Variants in SLC1A3 observed in about 807,000 individuals in gnomAD.
The protein encoded by SLC1A3 is solute carrier family 1 member 3, also known as excitatory amino acid transporter 1.
A neutral mutation model predicts 48.1 loss-of-function variants in SLC1A3; 21 were observed. That is an observed-to-expected ratio of 0.44 (90% CI 0.31 to 0.63). SLC1A3 has a LOEUF of 0.63. Among genes scored for constraint, SLC1A3 ranks in the 20% least tolerant of loss-of-function variants. The pLI is 0.08. For synonymous variants in SLC1A3, 239 were observed against 251.4 expected (o/e 0.95, Z 0.47); for missense variants, 546 against 689.0 (o/e 0.79, Z 2.32).
At chr5:36,621,128 A>G (rs1224064046) in intron 2 of SLC1A3, among the ~76,000 whole-genome samples, 1 of 151,922 alleles carries the variant, frequency 6.6e-6, no homozygotes, top group Non-Finnish European at 1.5e-5. Flanking sequence ...CAGGTCTCCA[A>G]CTCCTGACCT....
intron 3 of SLC1A3, chr5:36,636,063 G>GTT (rs1409718494): frequency 6.6e-6 from 1 of 152,286 alleles, no homozygotes; most frequent in East Asian, 1.9e-4. Context: ...GTGTGTGTGT[G>GTT]TGTGTGTGTG....
At chr5:36,621,609 G>A (rs1739674499) in intron 2 of SLC1A3, among the ~76,000 whole-genome samples, 1 of 152,120 alleles carries the variant, frequency 6.6e-6, no homozygotes, top group Non-Finnish European at 1.5e-5. Context: ...TTTTAATCTT[G>A]GAGCCTTCTT....
intron 3 of SLC1A3, among the ~76,000 whole-genome samples, chr5:36,633,972 C>A (rs879168106): frequency 6.6e-6 from 1 of 152,170 alleles, no homozygotes; most frequent in African/African-American, 2.4e-5. Context: ...CCGACTCCCC[C>A]GCTCTTGTAG....
At chr5:36,602,145 G>A (rs1171700241), upstream of SLC1A3, among the ~76,000 whole-genome samples, 1 of 152,108 alleles carries the variant, frequency 6.6e-6, no homozygotes, top group South Asian at 2.1e-4. Context: ...AGAAATAACA[G>A]ATTGTAGGCC....
chr5:36,684,415 C>T (rs1035951168), intron 9 of SLC1A3, among the ~76,000 whole-genome samples: 3 of 152,208 alleles, frequency 2.0e-5, no homozygotes, highest in Admixed American at 1.3e-4. Context: ...GAATGATTTT[C>T]CCATCCTAGC....
At chr5:36,604,699 A>G (rs1039912345), upstream of SLC1A3, among the ~76,000 whole-genome samples, 5 of 152,186 alleles carry the variant, frequency 3.3e-5, no homozygotes, top group Non-Finnish European at 7.3e-5. Flanking sequence ...AGAGGAAAAA[A>G]AAAGTGAAAA....
At chr5:36,636,483 C>CT (rs1561255183) in intron 3 of SLC1A3, 1 of 143,628 alleles carries the variant, frequency 7.0e-6, no homozygotes, top group Non-Finnish European at 1.5e-5. Context: ...TTCTTTCTTT[C>CT]TTTCTTTCTT....
intron 3 of SLC1A3, among the ~76,000 whole-genome samples, chr5:36,658,295 T>C (rs1027792409): frequency 6.6e-6 from 1 of 152,078 alleles, no homozygotes; most frequent in African/African-American, 2.4e-5. Flanking sequence ...TAGGGAATGC[T>C]GAGAAGTCTG....
At chr5:36,663,879 A>G (rs1741622260) in intron 3 of SLC1A3, among the ~76,000 whole-genome samples, 1 of 152,244 alleles carries the variant, frequency 6.6e-6, no homozygotes, top group South Asian at 2.1e-4. Context: ...ACCAAGAATC[A>G]CTGATAAAAG....
chr5:36,622,197 C>T (rs959623890), intron 2 of SLC1A3, among the ~76,000 whole-genome samples: 2 of 152,190 alleles, frequency 1.3e-5, no homozygotes, highest in Non-Finnish European at 2.9e-5. Flanking sequence ...CTGGCTGGCT[C>T]ATCTTGGTCA....
intron 6 of SLC1A3, among the ~76,000 whole-genome samples, chr5:36,679,300 A>G (rs1742335872): frequency 6.6e-6 from 1 of 152,212 alleles, no homozygotes; most frequent in Non-Finnish European, 1.5e-5. Flanking sequence ...AGGGCTGGCT[A>G]GGAAGACAGA....
intron 3 of SLC1A3, among the ~76,000 whole-genome samples, chr5:36,644,221 T>A (rs1177269025): frequency 6.6e-6 from 1 of 151,068 alleles, no homozygotes; most frequent in African/African-American, 2.4e-5. Context: ...TTTGTTTGTC[T>A]TAGGTGTGAG....
chr5:36,659,492 A>T (rs1324365439), intron 3 of SLC1A3, among the ~76,000 whole-genome samples: 1 of 152,244 alleles, frequency 6.6e-6, no homozygotes, highest in Non-Finnish European at 1.5e-5. Flanking sequence ...ATGTTAATTT[A>T]TTGAATTCTC....
upstream of SLC1A3, among the ~76,000 whole-genome samples, chr5:36,602,896 A>G (rs1286072775): frequency 1.3e-5 from 2 of 152,224 alleles, no homozygotes; most frequent in African/African-American, 4.8e-5. Flanking sequence ...TGGAGAGTGC[A>G]CACTCCACCT....
chr5:36,603,997 C>T (rs1056403481), upstream of SLC1A3, among the ~76,000 whole-genome samples: 2 of 152,200 alleles, frequency 1.3e-5, no homozygotes, highest in Admixed American at 1.3e-4. Context: ...AAGATCAGCA[C>T]GTGCTTATTA....
chr5:36,605,503 T>A (rs1738896186), upstream of SLC1A3, among the ~76,000 whole-genome samples: 1 of 152,198 alleles, frequency 6.6e-6, no homozygotes, highest in Non-Finnish European at 1.5e-5. Context: ...TTCTTTATGA[T>A]CTCCAGAGAT....
chr5:36,655,175 C>G (rs1741238421), intron 3 of SLC1A3, among the ~76,000 whole-genome samples: 1 of 152,206 alleles, frequency 6.6e-6, no homozygotes, highest in Non-Finnish European at 1.5e-5. Flanking sequence ...TGGCTAATGT[C>G]AGTGACTACT....
chr5:36,662,799 C>T (rs1248679181), intron 3 of SLC1A3, among the ~76,000 whole-genome samples: 1 of 152,126 alleles, frequency 6.6e-6, no homozygotes, highest in African/African-American at 2.4e-5. Context: ...GGGAAGATCG[C>T]GGGACTGTGT....
At chr5:36,619,760 T>C (rs1739590912) in intron 2 of SLC1A3, among the ~76,000 whole-genome samples, 1 of 152,250 alleles carries the variant, frequency 6.6e-6, no homozygotes, top group Non-Finnish European at 1.5e-5. Context: ...TTATTTGATT[T>C]CTCATATAAT....
Sources: allele counts gnomAD v4.1 joint callset (sites outside exome capture counted in the v4.1 genomes callset), GRCh38; gene constraint gnomAD v4.1.1; transcripts MANE v1.5; gene names NCBI Gene and HGNC (gene_info 2026-07-23, HGNC 2026-07-21).